Variants in CASS4 observed in about 807,000 individuals in gnomAD.
CASS4 encodes cas scaffolding protein family member 4.
In CASS4, 22 loss-of-function variants were observed where a neutral mutation model predicts 54.2. The ratio of observed to expected loss-of-function variants is 0.41; its 90% CI spans 0.29 to 0.58. CASS4 has a LOEUF of 0.58. Ranked by LOEUF, CASS4 falls within the 20% of genes least tolerant of loss-of-function variation. CASS4 has a pLI of 0.36. For missense variants in CASS4, 854 were observed against 986.7 expected (o/e 0.87, Z 1.80); for synonymous variants, 409 against 391.5 (o/e 1.04, Z -0.53).
At chr20:56,445,801 C>G in intron 2 of CASS4, 99 bp from the exon 3 acceptor site, 1 of 907,944 alleles carries the variant, frequency 1.1e-6, no homozygotes, top group South Asian at 1.6e-5. Flanking sequence ...CAGCAGTATC[C>G]ACCCAGCTGT....
chr20:56,458,666 C>A lies in CASS4; in HGVS notation c.2280C>A (p.Ser760Arg). ...AGAATGCCGTGCTCACGTACCCCAG[C>A]CCTGCCGCGCTGGGGCACCTCCAGG... ...ATKNAVLTYPSPAALGHLQAE... is the reference protein window; with the variant it reads ...ATKNAVLTYPRPAALGHLQAE... Residue 760 changes from serine (S) to arginine (R), a missense_variant, in exon 6 of 6, where the codon AGC becomes AGA. Transcript: ENST00000679887. 6.2e-7 allele frequency: 1 copy of A among 1,613,098 alleles called. No homozygotes were observed. The highest frequency in any genetic ancestry group is 2.2e-5 in the East Asian group (1 of 44,852).
intron 1 of CASS4, among the ~76,000 whole-genome samples, chr20:56,420,173 T>G (rs564813676): frequency 5.9e-5 from 9 of 152,224 alleles, no homozygotes; most frequent in African/African-American, 2.2e-4. Context: ...TGTTAGTGAA[T>G]GTATTGTTCT....
chr20:56,439,829 A>C (rs1980375311), intron 2 of CASS4, among the ~76,000 whole-genome samples: 1 of 152,234 alleles, frequency 6.6e-6, no homozygotes, highest in South Asian at 2.1e-4. Context: ...CACAGGCCTC[A>C]GTCACTGCAG....
In CASS4 at chr20:56,414,893, C is replaced by G. The variant is rs1015602832; in HGVS notation, c.36+2399C>G. ...TATATATATATAAATAGTAGCCAAC[C>G]CTTACCGATTGTCTACATGTGAGGC... On this transcript the variant is annotated intron_variant, in intron 1 of 5. Coordinates refer to ENST00000679887, the MANE Select transcript of CASS4 (RefSeq NM_020356.4). This position sits in a 1 kb window ranked among gnomAD's most constrained non-coding sequence, Gnocchi z 4.1. Among the ~76,000 whole-genome samples the G allele has an allele frequency of 1.4e-4, 21 of 152,140 alleles. No homozygotes were observed. Among genetic ancestry groups the G allele is most frequent in the African/African-American group, 4.6e-4 (19 of 41,494 alleles).
chr20:56,446,983 G>A (rs1980745173), intron 3 of CASS4, among the ~76,000 whole-genome samples: 1 of 152,108 alleles, frequency 6.6e-6, no homozygotes, highest in African/African-American at 2.4e-5. Context: ...CAAGGCAGGA[G>A]GATCACTTGA....
chr20:56,451,166 G>A (rs142792670), intron 4 of CASS4, among the ~76,000 whole-genome samples: 2,443 of 152,240 alleles, frequency 0.016, 42 homozygotes, highest in Non-Finnish European at 0.022. Context: ...ACGTGGTTGG[G>A]ATAAGTCGTT....
rs565384878 is a variant in CASS4 at position 56,458,216 on chromosome 20, A to G, written c.1954-124A>G. Reference sequence around the variant, plus strand: ...CAACTGTTGCAGTATTGGGCTTCCCAAACCAAACCATGCTTTTTTAAAAAA... The same window carrying G: ...CAACTGTTGCAGTATTGGGCTTCCCGAACCAAACCATGCTTTTTTAAAAAA... On this transcript the variant is annotated intron_variant, in intron 5 of 5. Coordinates refer to ENST00000679887, the MANE Select transcript of CASS4 (RefSeq NM_020356.4). 58 of 953,576 alleles carry G rather than the reference A, an allele frequency of 6.1e-5. No homozygotes were observed. In the East Asian group the frequency reaches 1.5e-3, roughly 24 times the overall value. 59.1% of individuals were successfully genotyped at this position (953,576 alleles called of 1,614,324 possible).
chr20:56,422,341 T>C (rs371418520), intron 1 of CASS4, among the ~76,000 whole-genome samples: 1 of 152,340 alleles, frequency 6.6e-6, no homozygotes, highest in Non-Finnish European at 1.5e-5. Context: ...AGACCTTTAT[T>C]GTTGCATCAT....
intron 2 of CASS4, among the ~76,000 whole-genome samples, chr20:56,443,062 G>T (rs1262233309): frequency 7.0e-6 from 1 of 142,282 alleles, no homozygotes; most frequent in Non-Finnish European, 1.6e-5. Flanking sequence ...TTTGGAAAGG[G>T]TCTGCGGGGG....
intron 2 of CASS4, among the ~76,000 whole-genome samples, chr20:56,438,222 C>T (rs1489139405): frequency 1.3e-5 from 2 of 151,208 alleles, no homozygotes; most frequent in African/African-American, 2.4e-5. Flanking sequence ...CCCAGGAAGT[C>T]GAGGCTGCAG....
Position 56,452,330 on chromosome 20 carries a change from C to A in CASS4, c.1154C>A (p.Ser385Tyr), listed in dbSNP as rs775018937. The A allele has an allele frequency of 2.5e-6, 4 of 1,613,818 alleles. No individual in the cohort carries two copies. Among genetic ancestry groups the A allele is most frequent in the African/African-American group, 1.3e-5 (1 of 74,936 alleles). ...NSAGHNSSWF[S>Y]RRTTSPSPEP... is the part of the protein sequence containing the mutation. ...GCGGGCCATAATTCCTCATGGTTCT[C>A]CAGACGGACAACTTCCCCATCTCCT... Residue 385 changes from serine (S) to tyrosine (Y), a missense_variant, in exon 5 of 6, where the codon TCC (serine) becomes TAC (tyrosine). Transcript: ENST00000679887.
intron 5 of CASS4, among the ~76,000 whole-genome samples, chr20:56,455,874 T>A (rs1981267798): frequency 6.6e-6 from 1 of 152,080 alleles, no homozygotes; most frequent in Non-Finnish European, 1.5e-5. Context: ...GAGGTTGCGG[T>A]GAGCTGAGAT....
At chr20:56,441,038 G>A (rs1383407873) in intron 2 of CASS4, among the ~76,000 whole-genome samples, 1 of 149,456 alleles carries the variant, frequency 6.7e-6, no homozygotes, top group Non-Finnish European at 1.5e-5. Flanking sequence ...ACCCAGGCTG[G>A]AGTGCAGTGG....
intron 1 of CASS4, among the ~76,000 whole-genome samples, chr20:56,416,528 C>CGTGTGT (rs3219626): frequency 3.6e-4 from 53 of 149,198 alleles, no homozygotes; most frequent in East Asian, 1.6e-3. Flanking sequence ...TGTTTACTTC[C>CGTGTGT]GTGTGTGTGT....
Position 56,451,845 on chromosome 20 carries a change from G to T in CASS4, c.669G>T (p.Val223=). The part of the protein sequence containing the change: ...ASGQGVPLIS[V]TTLRRGGYST... ...GGCAGGGTGTTCCCCTGATATCAGT[G>T]ACTACCTTAAGAAGAGGCGGTTACA... is the stretch of plus-strand genomic sequence containing the variant. The change falls in exon 5 of 6, where the codon GTG becomes GTT. Residue 223 remains valine (V), a synonymous_variant. Transcript: ENST00000679887. The T allele has an allele frequency of 6.2e-7, 1 of 1,613,074 alleles. No individual in the cohort carries two copies. The highest frequency in any genetic ancestry group is 8.5e-7 in the Non-Finnish European group (1 of 1,179,140).
At chr20:56,442,521 T>C (rs375291893) in intron 2 of CASS4, among the ~76,000 whole-genome samples, 4 of 151,838 alleles carry the variant, frequency 2.6e-5, no homozygotes, top group African/African-American at 9.7e-5. Flanking sequence ...CTGTAACTTA[T>C]ATCCAGACCA....
At chr20:56,426,212 G>A (rs556593143) in intron 1 of CASS4, among the ~76,000 whole-genome samples, 5 of 152,316 alleles carry the variant, frequency 3.3e-5, no homozygotes, top group Admixed American at 6.5e-5. Context: ...GCCCTTGATC[G>A]CTGAACTACC....
At chr20:56,419,638 C>A (rs1032914157) in intron 1 of CASS4, among the ~76,000 whole-genome samples, 8 of 151,990 alleles carry the variant, frequency 5.3e-5, no homozygotes, top group Non-Finnish European at 1.0e-4. Context: ...ACCATGTTGC[C>A]CAGGCTGGTC....
At chr20:56,429,717 A>T (rs1332088858) in intron 1 of CASS4, among the ~76,000 whole-genome samples, 2 of 152,078 alleles carry the variant, frequency 1.3e-5, no homozygotes, top group East Asian at 3.9e-4. Context: ...CTAACACTTT[A>T]TCTGACTAAC....
Sources: gnomAD v4.1 joint callset for allele counts (sites outside exome capture counted in the v4.1 genomes callset) on GRCh38, gnomAD v4.1.1 for gene constraint, Gnocchi (gnomAD v3.1) non-coding constraint, MANE v1.5 for transcripts, NCBI Gene and HGNC (gene_info 2026-07-23, HGNC 2026-07-21) for gene names.